Variants in NHSL1 observed in about 807,000 individuals in gnomAD.
NHSL1 encodes NHS-like protein 1.
A neutral mutation model predicts 95.0 loss-of-function variants in NHSL1; 48 were observed. The observed-to-expected ratio is 0.51, with a 90% CI of 0.40 to 0.64. The LOEUF (loss-of-function observed/expected upper bound fraction) is 0.64, where lower values mean the gene tolerates loss of function less well. Among genes scored for constraint, NHSL1 ranks in the 30% least tolerant of loss-of-function variants. The pLI is 0.00. For missense variants in NHSL1, 1,971 were observed against 2,077.7 expected (o/e 0.95, Z 1.00); for synonymous variants, 783 against 833.9 (o/e 0.94, Z 1.05).
intron 3 of NHSL1, among the ~76,000 whole-genome samples, chr6:138,456,471 A>G (rs1388229615): frequency 6.6e-6 from 1 of 152,244 alleles, no homozygotes; most frequent in Non-Finnish European, 1.5e-5. Flanking sequence ...AATAACAGGA[A>G]ACAGGGAAAT....
intron 7 of NHSL1, among the ~76,000 whole-genome samples, chr6:138,427,675 C>A (rs1249661030): frequency 1.3e-5 from 2 of 152,158 alleles, no homozygotes; most frequent in African/African-American, 4.8e-5. Flanking sequence ...AAACTTCACA[C>A]CTCAACTGGT....
In NHSL1 at chr6:138,632,440, T is replaced by C. The variant is rs568819643; in HGVS notation, c.96+60036A>G. Among the ~76,000 whole-genome samples the C allele has an allele frequency of 5.9e-5, 9 of 152,266 alleles. 1 individual carries two copies. The South Asian group carries it at 1.2e-3, about 21-fold the overall frequency. On this transcript the variant is annotated intron_variant, in intron 1 of 3. Coordinates refer to the NHSL1 transcript ENST00000491526. ...AGACCCACTGCTAGGCTGACTTCAG[T>C]TCTGACCCAGCGCGGTCCTAGTAGA...
In NHSL1 at chr6:138,430,543, C is replaced by A; in HGVS notation, c.3802G>T (p.Ala1268Ser). ...PGTSVLEGGA[A>S]GSMSPSRVEA... ...ACTCTGCTGGGAGACATGGATCCTG[C>A]AGCTCCTCCCTCAAGAACCGAGGTG... The change falls in exon 6 of 8, where the codon GCA becomes TCA. Residue 1268 changes from alanine (A) to serine (S), a missense_variant. Ala to Ser is a moderately conservative substitution (Grantham distance 99). Coordinates refer to ENST00000343505, the MANE Select transcript of NHSL1 (RefSeq NM_001144060.2). This position sits in a 1 kb window ranked among gnomAD's most constrained non-coding sequence, Gnocchi z 4.7. 6.4e-7 allele frequency: 1 copy of A among 1,551,186 alleles called. No homozygotes were observed. The highest frequency in any genetic ancestry group is 8.7e-7 in the Non-Finnish European group (1 of 1,146,664).
intron 1 of NHSL1, among the ~76,000 whole-genome samples, chr6:138,553,929 T>C (rs1020103102): frequency 6.6e-6 from 1 of 152,170 alleles, no homozygotes; most frequent in Non-Finnish European, 1.5e-5. Flanking sequence ...CTGAATTAAA[T>C]ATTTGAAGGA....
At chr6:138,670,582 C>T (rs1337779141) in intron 1 of NHSL1, among the ~76,000 whole-genome samples, 1 of 142,552 alleles carries the variant, frequency 7.0e-6, no homozygotes, top group Non-Finnish European at 1.5e-5. Flanking sequence ...AGGAGAATGG[C>T]GTGAACCCGG....
chr6:138,458,259 A>G (rs950989442), intron 3 of NHSL1, among the ~76,000 whole-genome samples: 4 of 152,190 alleles, frequency 2.6e-5, no homozygotes, highest in Non-Finnish European at 5.9e-5. Context: ...AGCTGCCACA[A>G]TGGAGGAATC....
rs1299209887 is a variant in NHSL1, at chr6:138,430,875, C to T, written c.3470G>A (p.Gly1157Asp). ...QGDHGSAAER[G>D]GPVSRSPGAP... is the part of the protein sequence containing the mutation. ...TCCAGGGCTGCGGCTCACAGGGCCA[C>T]CACGCTCAGCCGCACTGCCATGGTC... The change falls in exon 6 of 8, where the codon GGT becomes GAT. Residue 1157 changes from glycine (G) to aspartate (D), a missense_variant. By Grantham distance (94) the Gly-to-Asp change is moderately conservative (BLOSUM62 -1). This residue lies in a region of NHSL1 where 1,602 missense variants were observed against 1,654.5 expected (regional missense o/e 0.97). Coordinates refer to ENST00000343505, the MANE Select transcript of NHSL1 (RefSeq NM_001144060.2). This position sits in a 1 kb window ranked among gnomAD's most constrained non-coding sequence, Gnocchi z 4.7. 6 of 1,551,126 alleles carry T rather than the reference C, an allele frequency of 3.9e-6. No homozygotes were observed. Among genetic ancestry groups the T allele is most frequent in the African/African-American group, 1.4e-5 (1 of 73,056 alleles).
At position 138,431,489 on chromosome 6, in the gene NHSL1, G is replaced by A. The variant is rs1318150062; in HGVS notation, c.2856C>T (p.Pro952=). ...GGGAGCAATCTGTGACAGGAGGTGG[G>A]GGAGGAAGGAAAGGAGACCTGTCTG... ...CPADRSPFLP[P]PPPVTDCSQG... The change falls in exon 6 of 8, where the codon CCC becomes CCT. Residue 952 remains proline (P), a synonymous_variant. Transcript: ENST00000343505. This position sits in a 1 kb window ranked among gnomAD's most constrained non-coding sequence, Gnocchi z 4.0. The A allele has an allele frequency of 3.2e-6, 5 of 1,551,162 alleles. No homozygotes were observed. The highest frequency in any genetic ancestry group is 2.6e-6 in the Non-Finnish European group (3 of 1,146,854).
At chr6:138,477,257 G>A (rs1407002587) in intron 2 of NHSL1, among the ~76,000 whole-genome samples, 1 of 152,124 alleles carries the variant, frequency 6.6e-6, no homozygotes, top group Non-Finnish European at 1.5e-5. Flanking sequence ...AAATTAATTT[G>A]TTGTTCAAAA....
intron 1 of NHSL1, among the ~76,000 whole-genome samples, chr6:138,643,759 C>T (rs1784984753): frequency 6.6e-6 from 1 of 152,004 alleles, no homozygotes; most frequent in African/African-American, 2.4e-5. Context: ...AGCACTTAGG[C>T]AGGCTGAGGC....
At chr6:138,446,408 C>T (rs1776868498) in intron 4 of NHSL1, among the ~76,000 whole-genome samples, 1 of 152,120 alleles carries the variant, frequency 6.6e-6, no homozygotes, top group South Asian at 2.1e-4. Flanking sequence ...TACCTTGTCA[C>T]CTTAATTGTC....
chr6:138,446,771 GT>G, intron 4 of NHSL1: 1 of 533,054 alleles, frequency 1.9e-6, no homozygotes, highest in Non-Finnish European at 3.3e-6. Flanking sequence ...GGACCACTGA[GT>G]TCTTTGACAC....
At chr6:138,469,202 A>G (rs536704077) in intron 3 of NHSL1, among the ~76,000 whole-genome samples, 1 of 152,318 alleles carries the variant, frequency 6.6e-6, no homozygotes, top group South Asian at 2.1e-4. Flanking sequence ...GCAATAACTC[A>G]AAGAATTACT....
chr6:138,521,908 A>G (rs1316746797), intron 1 of NHSL1, among the ~76,000 whole-genome samples: 1 of 152,128 alleles, frequency 6.6e-6, no homozygotes, highest in Non-Finnish European at 1.5e-5. Flanking sequence ...GGGCAGGAAG[A>G]GAAAAGAGGA....
chr6:138,650,718 C>G (rs1405953128), intron 1 of NHSL1: 2 of 547,306 alleles, frequency 3.7e-6, no homozygotes, highest in African/African-American at 3.8e-5. Flanking sequence ...GCGGGACACG[C>G]ACTGCATCAT....
At chr6:138,645,070 A>G (rs908391466) in intron 1 of NHSL1, among the ~76,000 whole-genome samples, 4 of 152,248 alleles carry the variant, frequency 2.6e-5, no homozygotes, top group African/African-American at 9.6e-5. Context: ...CTTTAAAACC[A>G]TAAAAGACAA....
intron 1 of NHSL1, among the ~76,000 whole-genome samples, chr6:138,560,686 C>T (rs1783378238): frequency 6.6e-6 from 1 of 152,164 alleles, no homozygotes; most frequent in South Asian, 2.1e-4. Flanking sequence ...GCCACAACCA[C>T]CCACAAGGTA....
intron 1 of NHSL1, among the ~76,000 whole-genome samples, chr6:138,570,882 T>G (rs1783814832): frequency 6.6e-6 from 1 of 152,240 alleles, no homozygotes; most frequent in Admixed American, 6.5e-5. Context: ...ACTCCCCTAC[T>G]GGGCTTTGCC....
At position 138,621,161 on chromosome 6, in the gene NHSL1, TC is replaced by T. The variant is rs1784657982; in HGVS notation, c.96+71314del. Among the ~76,000 whole-genome samples the T allele has an allele frequency of 2.0e-5, 3 of 152,190 alleles. No homozygotes were observed. In the South Asian group the frequency reaches 6.2e-4, roughly 32 times the overall value. ...TTAGTTGAGAAACCTGAAGACGGAA[TC>T]CTGAATAAAGAGATTGCTGAAAAGG... is the stretch of plus-strand genomic sequence containing the variant. On this transcript the variant is annotated intron_variant, in intron 1 of 3. Transcript: ENST00000491526.
Sources: allele counts gnomAD v4.1 joint callset (sites outside exome capture counted in the v4.1 genomes callset), GRCh38; gene constraint gnomAD v4.1.1; regional missense constraint gnomAD v4.1.1; non-coding constraint Gnocchi (gnomAD v3.1); transcripts MANE v1.5; gene names NCBI Gene and HGNC (gene_info 2026-07-23, HGNC 2026-07-21).